The following DNAAF9 variants were observed in gnomAD, a reference collection of about 807,000 sequenced individuals.
The protein encoded by DNAAF9 is dynein axonemal assembly factor 9.
A neutral mutation model predicts 167.0 loss-of-function variants in DNAAF9; 90 were observed. That is an observed-to-expected ratio of 0.54 (90% CI 0.45 to 0.64). The LOEUF (loss-of-function observed/expected upper bound fraction) is 0.64. Among genes scored for constraint, DNAAF9 ranks in the 30% least tolerant of loss-of-function variants. The pLI, the probability that DNAAF9 is intolerant of heterozygous loss-of-function variation, is 0.00. For synonymous variants in DNAAF9, 491 were observed against 508.8 expected, an observed-to-expected ratio of 0.96 and a Z score of 0.47; for missense variants, 1,315 against 1,442.2, an observed-to-expected ratio of 0.91 and a Z score of 1.43.
Position 3,252,495 on chromosome 20 carries a change from G to T in DNAAF9, c.*77C>A. 1 of 822,692 alleles carries T rather than the reference G, an allele frequency of 1.2e-6. No homozygotes were observed. The highest frequency in any genetic ancestry group is 1.8e-5 in the Admixed American group (1 of 56,638). 51.0% of individuals were successfully genotyped at this position (822,692 alleles called of 1,614,324 possible). The stretch of plus-strand genomic sequence containing the variant: ...CAGCCCCTTAAGGGAGAGGCCTCCA[G>T]CAGAGCTGAGGTTAAGACACCCGTT... On this transcript the variant is annotated 3_prime_UTR_variant, in exon 37 of 37. Coordinates refer to ENST00000252032, the MANE Select transcript of DNAAF9 (RefSeq NM_001009984.3).
In DNAAF9 at chr20:3,316,719, T is replaced by C. The variant is rs755232945; in HGVS notation, c.1539+4A>G. 6.2e-6 allele frequency: 10 copies of C among 1,610,552 alleles called. No individual in the cohort carries two copies. The highest frequency in any genetic ancestry group is 7.6e-6 in the Non-Finnish European group (9 of 1,177,114). ...TCCACTTCCACCTGATGAATGACACTAACCAGCCAGGAGCAGAATCTGGGT... is the reference window on the plus strand; with the variant it reads ...TCCACTTCCACCTGATGAATGACACCAACCAGCCAGGAGCAGAATCTGGGT... On this transcript the variant is annotated splice_donor_region_variant and intron_variant, in intron 18 of 36. Transcript: ENST00000252032.
chr20:3,322,098 G>C (rs2069625870), intron 16 of DNAAF9, 119 bp downstream of exon 16: 1 of 706,702 alleles, frequency 1.4e-6, no homozygotes, highest in Admixed American at 2.2e-5. Context: ...ACTGAGAGAA[G>C]ATCAGCTTCT....
At chr20:3,354,827 C>A (rs1327661367) in intron 7 of DNAAF9, among the ~76,000 whole-genome samples, 5 of 152,184 alleles carry the variant, frequency 3.3e-5, no homozygotes, top group African/African-American at 1.2e-4. Context: ...ATCAAAAGGG[C>A]TTCCTTCTCC....
chr20:3,368,899 G>A (rs936666433), intron 6 of DNAAF9, among the ~76,000 whole-genome samples: 54 of 212 alleles, frequency 0.25, no homozygotes, highest in Middle Eastern at 0.5. Flanking sequence ...TTCAGAAGCC[G>A]AGAAGGCAGA....
At chr20:3,296,051 C>CT in intron 23 of DNAAF9, 1 of 864,950 alleles carries the variant, frequency 1.2e-6, no homozygotes, top group Non-Finnish European at 2.0e-6. Flanking sequence ...CTGGTAGTAA[C>CT]CCTCATCTGG....
chr20:3,372,785 A>C (rs569114900), intron 6 of DNAAF9, among the ~76,000 whole-genome samples: 1 of 97,332 alleles, frequency 1.0e-5, no homozygotes, highest in East Asian at 2.8e-4. Context: ...TGTACCTCAG[A>C]GGGTTACTAT....
At position 3,324,949 on chromosome 20, in the gene DNAAF9, T is replaced by C. The variant is rs1002418061; in HGVS notation, c.1208A>G (p.Gln403Arg). Residue 403 changes from glutamine (Q) to arginine (R), a missense_variant, in exon 14 of 37, where the codon CAA (glutamine) becomes CGA (arginine). Physicochemically the swap from Gln to Arg is conservative, Grantham distance 43 (BLOSUM62 1). Around this residue, in one of 2 missense-constraint regions of DNAAF9, gnomAD observed 981 missense variants for 1,012.5 expected, o/e 0.97. Coordinates refer to ENST00000252032, the MANE Select transcript of DNAAF9 (RefSeq NM_001009984.3). ...SLTKAKEVAE[Q>R]TLGSGLDSFE... ...GGAATCTAACCCAGATCCCAGAGTT[T>C]GCTCTGCTACCTCCTTGGCCTGTAA... 1.2e-6 allele frequency: 2 copies of C among 1,605,374 alleles called. No individual in the cohort carries two copies. The highest frequency in any genetic ancestry group is 8.5e-7 in the Non-Finnish European group (1 of 1,171,964).
chr20:3,403,302 A>C (rs886446923), intron 1 of DNAAF9, among the ~76,000 whole-genome samples: 1 of 152,020 alleles, frequency 6.6e-6, no homozygotes, highest in Non-Finnish European at 1.5e-5. Context: ...TGGAAATCCT[A>C]AAACTTTTCC....
chr20:3,398,054 T>C (rs1442318043), intron 1 of DNAAF9, among the ~76,000 whole-genome samples: 2 of 152,172 alleles, frequency 1.3e-5, no homozygotes, highest in African/African-American at 4.8e-5. Context: ...CCCATCATGA[T>C]TTATCCAGGT....
At chr20:3,389,605 A>C (rs752020065) in intron 1 of DNAAF9, among the ~76,000 whole-genome samples, 100 of 147,100 alleles carry the variant, frequency 6.8e-4, no homozygotes, top group South Asian at 1.1e-3. Context: ...TGTCTCTACC[A>C]AAAAAAAAAG....
rs772431924 is a variant in DNAAF9, at chr20:3,249,873, T to C, written c.*2699A>G. On this transcript the variant is annotated 3_prime_UTR_variant, in exon 37 of 37. Transcript: ENST00000252032. Reference sequence around the variant, plus strand: ...CCCAGTGTCCAGGCTTCAGGTCAGATAGCCCCCAGGGCTCAGAGGGGCCGG... The same window carrying C: ...CCCAGTGTCCAGGCTTCAGGTCAGACAGCCCCCAGGGCTCAGAGGGGCCGG... 2.0e-5 allele frequency: 3 copies of C among 152,160 alleles called. No individual in the cohort carries two copies. Among genetic ancestry groups the C allele is most frequent in the Non-Finnish European group, 2.9e-5 (2 of 68,032 alleles). The allele number at this position is 152,160 out of a possible 1,614,324, so 9.4% of individuals were successfully genotyped here. A position where few individuals can be genotyped will look rare whatever the true frequency, so the allele number is the denominator to read the frequency against.
chr20:3,349,959 A>G (rs1309465938), intron 7 of DNAAF9, among the ~76,000 whole-genome samples: 1 of 151,858 alleles, frequency 6.6e-6, no homozygotes, highest in Non-Finnish European at 1.5e-5. Context: ...GCTGCACCAA[A>G]ACTCACTGGC....
At position 3,278,954 on chromosome 20, in the gene DNAAF9, G is replaced by A. The variant is rs996751557; in HGVS notation, c.2613-5C>T. On this transcript the variant is annotated splice_region_variant and splice_polypyrimidine_tract_variant and intron_variant, in intron 28 of 36. Transcript: ENST00000252032. ...AGACATTTAGGAAAGAGAAATCTAG[G>A]GGGAAAAAAGGGGGAAATATTTAAA... The A allele has an allele frequency of 3.8e-6, 6 of 1,581,252 alleles. No homozygotes were observed. The African/African-American group carries it at 8.1e-5, about 21-fold the overall frequency.
chr20:3,301,445 C>T lies in DNAAF9; in HGVS notation c.1782+2995G>A, dbSNP rs976815076. On this transcript the variant is annotated intron_variant, in intron 21 of 36. Transcript: ENST00000252032. ...TCAGGTGATCCGCCCTTCTTGGCCT[C>T]CCAAAGTGCTAGGATTACAGGCGTG... Among the ~76,000 whole-genome samples, 19 of 152,332 alleles carry T rather than the reference C, an allele frequency of 1.2e-4. No individual in the cohort carries two copies. The East Asian group carries it at 2.1e-3, about 17-fold the overall frequency.
intron 29 of DNAAF9, among the ~76,000 whole-genome samples, chr20:3,273,967 C>G (rs555290544): frequency 6.6e-6 from 1 of 152,044 alleles, no homozygotes; most frequent in South Asian, 2.1e-4. Context: ...ACTCCCTTTA[C>G]TTTTTAATTT....
At chr20:3,278,551 T>C (rs1259903996) in intron 29 of DNAAF9, among the ~76,000 whole-genome samples, 1 of 152,096 alleles carries the variant, frequency 6.6e-6, no homozygotes, top group East Asian at 1.9e-4. Context: ...AAACCCCATC[T>C]CTACTAAAAA....
At chr20:3,268,105 T>A (rs1306557074) in intron 30 of DNAAF9, among the ~76,000 whole-genome samples, 1 of 151,370 alleles carries the variant, frequency 6.6e-6, no homozygotes, top group Non-Finnish European at 1.5e-5. Flanking sequence ...CTTGGCTCAC[T>A]GCAACCTCCG....
intron 1 of DNAAF9, among the ~76,000 whole-genome samples, chr20:3,405,142 T>G (rs79764838): frequency 0.043 from 6,590 of 152,318 alleles, 207 homozygotes; most frequent in African/African-American, 0.089. Context: ...AGTAAAATTC[T>G]ACTACATGCT....
At chr20:3,316,147 G>A (rs1328144888) in intron 18 of DNAAF9, 2 of 275,814 alleles carry the variant, frequency 7.3e-6, no homozygotes, top group Non-Finnish European at 1.4e-5. Context: ...TAGGTTAGAG[G>A]ATAACTCTCG....
Sources: gnomAD v4.1 joint callset for allele counts (sites outside exome capture counted in the v4.1 genomes callset) on GRCh38, gnomAD v4.1.1 for gene constraint, gnomAD v4.1.1 regional missense constraint, MANE v1.5 for transcripts, NCBI Gene and HGNC (gene_info 2026-07-23, HGNC 2026-07-21) for gene names.